RIPPLY2: variants seen among roughly 807,000 people sequenced by gnomAD.
The protein encoded by RIPPLY2 is ripply transcriptional repressor 2.
Under a neutral mutation model 17.7 loss-of-function variants are expected in RIPPLY2, and 20 were observed. That is an observed-to-expected ratio of 1.13 (90% CI 0.79 to 1.64). The LOEUF (loss-of-function observed/expected upper bound fraction) is 1.64. Among genes scored for constraint, RIPPLY2 ranks in the 40% most tolerant of loss-of-function variants. The pLI is 0.00. For synonymous variants in RIPPLY2, 69 were observed against 63.9 expected (o/e 1.08, Z -0.38); for missense variants, 213 against 169.8 (o/e 1.25, Z -1.41).
At position 83,856,946 on chromosome 6, in the gene RIPPLY2, A is replaced by G. The variant is rs975263312; in HGVS notation, c.240-296A>G. On this transcript the variant is annotated intron_variant, in intron 3 of 3. Transcript: ENST00000369689. Reference sequence around the variant, plus strand: ...ATATATTATAAGAATAAATATATCCATAATGTACAAAGTAAGGTAAACATT... The same window carrying G: ...ATATATTATAAGAATAAATATATCCGTAATGTACAAAGTAAGGTAAACATT... The G allele has an allele frequency of 3.1e-5, 5 of 162,550 alleles. No homozygotes were observed. In the Admixed American group the frequency reaches 3.2e-4, roughly 10 times the overall value. The allele number at this position is 162,550 out of a possible 1,614,324, so 10.1% of individuals were successfully genotyped here. A position where few individuals can be genotyped will look rare whatever the true frequency, so the allele number is the denominator to read the frequency against.
intron 3 of RIPPLY2, chr6:83,855,041 T>C (rs1056934944): frequency 6.6e-6 from 1 of 152,268 alleles, no homozygotes; most frequent in Admixed American, 6.5e-5. Flanking sequence ...GTTACCTGGC[T>C]GAGTCTTGGA....
chr6:83,857,396 T>C lies in RIPPLY2; in HGVS notation c.*7T>C. 6.4e-7 allele frequency: 1 copy of C among 1,558,596 alleles called. No individual in the cohort carries two copies. Among genetic ancestry groups the C allele is most frequent in the Non-Finnish European group, 8.6e-7 (1 of 1,158,208 alleles). ...TCTGACCTGTGAAAATTAATCTGAT[T>C]AGCTACTTTTGATTATATCCAAAGC... On this transcript the variant is annotated 3_prime_UTR_variant, in exon 4 of 4. Transcript: ENST00000369689.
rs2099455158 is a variant in RIPPLY2, at chr6:83,857,433, A to C, written c.*44A>C. 1 of 1,339,676 alleles carries C rather than the reference A, an allele frequency of 7.5e-7. No homozygotes were observed. Among genetic ancestry groups the C allele is most frequent in the Middle Eastern group, 1.9e-4 (1 of 5,194 alleles). The allele number at this position is 1,339,676 out of a possible 1,614,324, so 83.0% of individuals were successfully genotyped here. The stretch of plus-strand genomic sequence containing the variant: ...ATTATATCCAAAGCTTGTGGGGTTT[A>C]AATTTAGTGTACAAATGTATCATAA... On this transcript the variant is annotated 3_prime_UTR_variant, in exon 4 of 4. Transcript: ENST00000369689.
At position 83,853,403 on chromosome 6, in the gene RIPPLY2, A is replaced by G; in HGVS notation, c.-14A>G. 6.5e-7 allele frequency: 1 copy of G among 1,541,074 alleles called. No homozygotes were observed. Among genetic ancestry groups the G allele is most frequent in the South Asian group, 1.2e-5 (1 of 83,904 alleles). ...GCGAGCTGGCAGCGGCCTTCCGCCC[A>G]GCTCTGCGGCGTCATGGAGAACGCG... On this transcript the variant is annotated 5_prime_UTR_variant, in exon 1 of 4. Coordinates refer to ENST00000369689, the MANE Select transcript of RIPPLY2 (RefSeq NM_001009994.3).
intron 2 of RIPPLY2, 149 bp from the exon 3 acceptor site, chr6:83,853,948 C>A: frequency 1.0e-6 from 1 of 993,892 alleles, no homozygotes; most frequent in Non-Finnish European, 1.5e-6. Flanking sequence ...TCCTCTGGAG[C>A]GATGGGCCAC....
At chr6:83,853,240 C>A, upstream of RIPPLY2, 1 of 579,676 alleles carries the variant, frequency 1.7e-6, no homozygotes, top group Non-Finnish European at 3.0e-6. Context: ...GCCCGGTGCG[C>A]CTTCACGCGC....
At position 83,853,529 on chromosome 6, in the gene RIPPLY2, G is replaced by T; in HGVS notation, c.95+18G>T. On this transcript the variant is annotated intron_variant, in intron 1 of 3. Transcript: ENST00000369689. ...GACTCCGGGTAGGCTTCCCCGCGCT[G>T]CTCTGCGCCTCCCAGCTTCCCCCGT... The T allele has an allele frequency of 6.5e-7, 1 of 1,535,810 alleles. No homozygotes were observed. Among genetic ancestry groups the T allele is most frequent in the Non-Finnish European group, 8.7e-7 (1 of 1,144,964 alleles).
intron 3 of RIPPLY2, chr6:83,856,169 A>C (rs2099454951): frequency 6.6e-6 from 1 of 152,120 alleles, no homozygotes; most frequent in Non-Finnish European, 1.5e-5. Context: ...ACCATGATTT[A>C]TTCATCTTTA....
upstream of RIPPLY2, chr6:83,853,299 A>T: frequency 1.3e-6 from 1 of 741,258 alleles, no homozygotes; most frequent in Non-Finnish European, 2.1e-6. Context: ...AGAGGCAGCG[A>T]ACCTCTCAAT....
intron 3 of RIPPLY2, 66 bp downstream of exon 3, chr6:83,854,227 C>T (rs2099454643): frequency 7.8e-7 from 1 of 1,282,770 alleles, no homozygotes; most frequent in Admixed American, 1.7e-5. Context: ...AGGGGCATCG[C>T]GCAGCCCAGC....
chr6:83,853,569 C>A (rs955399788), intron 1 of RIPPLY2, 58 bp downstream of exon 1: 3 of 1,533,248 alleles, frequency 2.0e-6, no homozygotes, highest in Non-Finnish European at 2.6e-6. Flanking sequence ...CCCTCCTGCG[C>A]CTCCCCAGCT....
rs2099455137 is a variant in RIPPLY2 at position 83,857,331 on chromosome 6, C to G, written c.329C>G (p.Ser110Ter). 2 of 1,584,170 alleles carry G rather than the reference C, an allele frequency of 1.3e-6. No individual in the cohort carries two copies. Among genetic ancestry groups the G allele is most frequent in the Non-Finnish European group, 1.7e-6 (2 of 1,169,920 alleles). The change falls in exon 4 of 4, where the codon TCA becomes TGA. Residue 110 changes from serine (S) to a stop codon, truncating the protein, a stop_gained. Coordinates refer to ENST00000369689, the MANE Select transcript of RIPPLY2 (RefSeq NM_001009994.3). LOFTEE classifies it high-confidence loss of function. The part of the protein sequence containing the change: ...LKNFPIQATI[S>*]FYEDSDSEDE... Reference sequence around the variant, plus strand: ...AATTTTCCAATTCAAGCCACAATTTCATTTTATGAAGATTCTGATAGCGAA... The same window carrying G: ...AATTTTCCAATTCAAGCCACAATTTGATTTTATGAAGATTCTGATAGCGAA...
intron 3 of RIPPLY2, 67 bp downstream of exon 3, chr6:83,854,228 G>A: frequency 1.6e-6 from 2 of 1,286,014 alleles, no homozygotes; most frequent in Non-Finnish European, 2.3e-6. Flanking sequence ...GGGGCATCGC[G>A]CAGCCCAGCT....
Position 83,854,117 on chromosome 6 carries a change from G to T in RIPPLY2, c.195G>T (p.Met65Ile). Reference protein sequence around the residue: ...AAEAMPDGPGMTAASGKLYQF... With the variant: ...AAEAMPDGPGITAASGKLYQF... ...TCCAGATGCCCGATGGCCCTGGAAT[G>T]ACCGCAGCCTCAGGAAAGCTTTACC... The change falls in exon 3 of 4, where the codon ATG becomes ATT. Residue 65 changes from methionine (M) to isoleucine (I), a missense_variant. Met to Ile is a conservative substitution (Grantham distance 10). Coordinates refer to ENST00000369689, the MANE Select transcript of RIPPLY2 (RefSeq NM_001009994.3). 1 of 1,614,150 alleles carries T rather than the reference G, an allele frequency of 6.2e-7. No homozygotes were observed. The highest frequency in any genetic ancestry group is 1.1e-5 in the South Asian group (1 of 91,070).
chr6:83,854,175 C>T lies in RIPPLY2; in HGVS notation c.239+14C>T, dbSNP rs969850234. 1 of 1,611,414 alleles carries T rather than the reference C, an allele frequency of 6.2e-7. No homozygotes were observed. On this transcript the variant is annotated intron_variant, in intron 3 of 3. Coordinates refer to ENST00000369689, the MANE Select transcript of RIPPLY2 (RefSeq NM_001009994.3). ...GCACCCAGTCAGGTGAGTGACAGGC[C>T]TCGCCGAAGGTCTCCCGCTCCTCCA...
At chr6:83,853,341 C>G (rs2099454476), upstream of RIPPLY2, 1 of 1,227,190 alleles carries the variant, frequency 8.1e-7, no homozygotes, top group African/African-American at 1.6e-5. Context: ...ATATAAAGCT[C>G]GGGTCTCGGA....
chr6:83,854,310 A>G (rs1394979604), intron 3 of RIPPLY2, 149 bp downstream of exon 3: 1 of 665,400 alleles, frequency 1.5e-6, no homozygotes, highest in African/African-American at 1.8e-5. Flanking sequence ...CTTCTCACTC[A>G]TCAAATTGAA....
chr6:83,857,164 G>A (rs1331126651), intron 3 of RIPPLY2, 78 bp from the exon 4 acceptor site: 9 of 902,184 alleles, frequency 1.0e-5, no homozygotes, highest in Non-Finnish European at 1.4e-5. Context: ...AATATATGGA[G>A]CTCTTGAAAT....
Position 83,853,691 on chromosome 6 carries a change from G to T in RIPPLY2, c.96-4G>T. 6.2e-7 allele frequency: 1 copy of T among 1,613,010 alleles called. No individual in the cohort carries two copies. The highest frequency in any genetic ancestry group is 8.5e-7 in the Non-Finnish European group (1 of 1,179,646). ...TGCGCGCCTTGTGCTCCCCTATCCC[G>T]CAGATACGCAGGCTTCTGGAGACCC... On this transcript the variant is annotated splice_region_variant and splice_polypyrimidine_tract_variant and intron_variant, in intron 1 of 3. Coordinates refer to ENST00000369689, the MANE Select transcript of RIPPLY2 (RefSeq NM_001009994.3).
Sources: allele counts gnomAD v4.1 joint callset, GRCh38; gene constraint gnomAD v4.1.1; transcripts MANE v1.5; gene names NCBI Gene and HGNC (gene_info 2026-07-23, HGNC 2026-07-21).